The following ADAP2 variants were observed in gnomAD, a reference collection of about 807,000 sequenced individuals.
ADAP2 encodes arf-GAP with dual PH domain-containing protein 2.
In ADAP2, 42 loss-of-function variants were observed where a neutral mutation model predicts 54.9. The ratio of observed to expected loss-of-function variants is 0.77; its 90% CI spans 0.60 to 0.99. The LOEUF (loss-of-function observed/expected upper bound fraction) is 0.99, where lower values mean the gene tolerates loss of function less well. Ranked by LOEUF, ADAP2 falls within the 50% of genes least tolerant of loss-of-function variation. The pLI is 0.00. For synonymous variants in ADAP2, 177 were observed against 180.1 expected, an observed-to-expected ratio of 0.98 and a Z score of 0.14; for missense variants, 429 against 480.4, an observed-to-expected ratio of 0.89 and a Z score of 1.00.
At chr17:30,944,794 T>G in intron 5 of ADAP2, 113 bp from the exon 6 acceptor site, 1 of 1,127,680 alleles carries the variant, frequency 8.9e-7, no homozygotes, top group South Asian at 1.5e-5. Flanking sequence ...CAAGAACATT[T>G]AAAACCCATA....
At chr17:30,955,721 A>C (rs1319989374) in intron 9 of ADAP2, among the ~76,000 whole-genome samples, 3 of 151,314 alleles carry the variant, frequency 2.0e-5, no homozygotes, top group Non-Finnish European at 4.4e-5. Context: ...AAAGAAAGAA[A>C]AAAAAAGAAA....
intron 3 of ADAP2, among the ~76,000 whole-genome samples, chr17:30,931,495 C>T (rs1911479751): frequency 6.6e-6 from 1 of 152,120 alleles, no homozygotes; most frequent in Non-Finnish European, 1.5e-5. Flanking sequence ...GGCAGTGAGG[C>T]ACTGCTGTGA....
Position 30,958,193 on chromosome 17 carries a change from G to T in ADAP2, c.*324G>T. The T allele has an allele frequency of 6.2e-6, 2 of 322,710 alleles. No individual in the cohort carries two copies. The highest frequency in any genetic ancestry group is 1.1e-5 in the Non-Finnish European group (2 of 174,428). 20.0% of individuals were successfully genotyped at this position (322,710 alleles called of 1,614,324 possible). ...GCATTGCAATGAAAAGGCACCCACA[G>T]CATCATGCAAGTGGCATCTTGTAAA... On this transcript the variant is annotated 3_prime_UTR_variant, in exon 11 of 11. Transcript: ENST00000330889.
At chr17:30,935,160 A>G (rs1460426578) in intron 5 of ADAP2, among the ~76,000 whole-genome samples, 1 of 152,222 alleles carries the variant, frequency 6.6e-6, no homozygotes, top group Non-Finnish European at 1.5e-5. Flanking sequence ...TGAGGTCGGG[A>G]GTTTGAGACC....
intron 5 of ADAP2, among the ~76,000 whole-genome samples, chr17:30,939,883 C>T (rs1362965266): frequency 6.6e-6 from 1 of 152,020 alleles, no homozygotes; most frequent in Non-Finnish European, 1.5e-5. Flanking sequence ...AGTGATGACA[C>T]CAGCCATTTA....
In ADAP2 at chr17:30,958,106, C is replaced by T. The variant is rs926407109; in HGVS notation, c.*237C>T. 7.0e-6 allele frequency: 4 copies of T among 567,828 alleles called. No individual in the cohort carries two copies. The highest frequency in any genetic ancestry group is 1.9e-5 in the African/African-American group (1 of 53,190). 35.2% of individuals were successfully genotyped at this position (567,828 alleles called of 1,614,324 possible). A position where few individuals can be genotyped will look rare whatever the true frequency, so the allele number is the denominator to read the frequency against. On this transcript the variant is annotated 3_prime_UTR_variant, in exon 11 of 11. Coordinates refer to ENST00000330889, the MANE Select transcript of ADAP2 (RefSeq NM_018404.3). ...AGATGAACATCTATCCCCTCCTCCC[C>T]CATACACACCTAGGCTTGAAATGCC...
At chr17:30,932,720 G>C (rs532393389) in intron 4 of ADAP2, among the ~76,000 whole-genome samples, 1 of 151,448 alleles carries the variant, frequency 6.6e-6, no homozygotes, top group South Asian at 2.1e-4. Flanking sequence ...TGGGATTACA[G>C]CATCATGCTT....
chr17:30,958,282 G>C lies in ADAP2; in HGVS notation c.*413G>C. The stretch of plus-strand genomic sequence containing the variant: ...AATAATCAGACAAATCCACATTAGG[G>C]GCATTCTGCTAAACATCTGACCCAG... On this transcript the variant is annotated 3_prime_UTR_variant, in exon 11 of 11. Coordinates refer to ENST00000330889, the MANE Select transcript of ADAP2 (RefSeq NM_018404.3). 1 of 181,698 alleles carries C rather than the reference G, an allele frequency of 5.5e-6. No homozygotes were observed. Among genetic ancestry groups the C allele is most frequent in the Non-Finnish European group, 1.2e-5 (1 of 85,042 alleles). 11.3% of individuals were successfully genotyped at this position (181,698 alleles called of 1,614,324 possible).
chr17:30,946,671 A>G (rs1208569780), intron 6 of ADAP2, among the ~76,000 whole-genome samples: 1 of 152,192 alleles, frequency 6.6e-6, no homozygotes, highest in Non-Finnish European at 1.5e-5. Context: ...GGGTGCTGAC[A>G]TTTTGTGACC....
intron 3 of ADAP2, 37 bp downstream of exon 3, chr17:30,926,955 C>T (rs1331281563): frequency 6.6e-7 from 1 of 1,526,704 alleles, no homozygotes; most frequent in South Asian, 1.1e-5. Flanking sequence ...GGTGAGGGGT[C>T]TGTCCTGGTT....
At chr17:30,948,601 G>C (rs760524009) in intron 6 of ADAP2, among the ~76,000 whole-genome samples, 1 of 152,030 alleles carries the variant, frequency 6.6e-6, no homozygotes, top group Non-Finnish European at 1.5e-5. Flanking sequence ...AAATCACTCA[G>C]GCTGCCATGA....
At chr17:30,948,693 T>C (rs1904356300) in intron 6 of ADAP2, among the ~76,000 whole-genome samples, 1 of 152,240 alleles carries the variant, frequency 6.6e-6, no homozygotes, top group African/African-American at 2.4e-5. Context: ...CCCAGGCTGC[T>C]GAGGGACATG....
At chr17:30,922,882 G>C in intron 1 of ADAP2, 58 bp from the exon 2 acceptor site, 2 of 1,592,922 alleles carry the variant, frequency 1.3e-6, no homozygotes, top group Non-Finnish European at 1.7e-6. Flanking sequence ...CCCGAGCCCA[G>C]CCCTGGTTTC....
intron 5 of ADAP2, among the ~76,000 whole-genome samples, chr17:30,939,113 G>T (rs987860017): frequency 6.6e-6 from 1 of 152,100 alleles, no homozygotes; most frequent in Admixed American, 6.6e-5. Context: ...GAAAAATGTG[G>T]CTTTTTCAAC....
At chr17:30,956,810 G>A (rs924368158) in intron 10 of ADAP2, 3 of 269,880 alleles carry the variant, frequency 1.1e-5, no homozygotes, top group Non-Finnish European at 2.2e-5. Context: ...CCTTTTTCTC[G>A]TGAGAAAACG....
At chr17:30,944,578 G>A (rs558372987) in intron 5 of ADAP2, among the ~76,000 whole-genome samples, 1 of 152,180 alleles carries the variant, frequency 6.6e-6, no homozygotes, top group Non-Finnish European at 1.5e-5. Flanking sequence ...TCCTGCCTCA[G>A]TCTTCCGAGT....
At chr17:30,949,446 GAC>G in intron 7 of ADAP2, 76 bp downstream of exon 7, 1 of 1,413,870 alleles carries the variant, frequency 7.1e-7, no homozygotes, top group Non-Finnish European at 1.0e-6. Flanking sequence ...TGACCTCGAA[GAC>G]ACTCAGAAGC....
chr17:30,935,924 C>A (rs1043667824), intron 5 of ADAP2, among the ~76,000 whole-genome samples: 5 of 152,232 alleles, frequency 3.3e-5, no homozygotes, highest in African/African-American at 4.8e-5. Context: ...TATTGAGATA[C>A]AATTCACATA....
At chr17:30,948,316 C>T (rs959091933) in intron 6 of ADAP2, among the ~76,000 whole-genome samples, 3 of 151,936 alleles carry the variant, frequency 2.0e-5, no homozygotes, top group South Asian at 4.2e-4. Flanking sequence ...CTGTGGCTCA[C>T]GCCTGTAATC....
Sources: allele counts gnomAD v4.1 joint callset (sites outside exome capture counted in the v4.1 genomes callset), GRCh38; gene constraint gnomAD v4.1.1; transcripts MANE v1.5; gene names NCBI Gene and HGNC (gene_info 2026-07-23, HGNC 2026-07-21).